Variants in CFAP70 observed in about 807,000 individuals in gnomAD.
The protein encoded by CFAP70 is cilia and flagella associated protein 70.
Under a neutral mutation model 137.6 loss-of-function variants are expected in CFAP70, and 81 were observed. That is an observed-to-expected ratio of 0.59 (90% CI 0.49 to 0.71). The LOEUF (loss-of-function observed/expected upper bound fraction) is 0.71. Among genes scored for constraint, CFAP70 ranks in the 30% least tolerant of loss-of-function variants. CFAP70 has a pLI of 0.00. For synonymous variants in CFAP70, 382 were observed against 423.6 expected (o/e 0.90, Z 1.20); for missense variants, 976 against 1,226.7 (o/e 0.80, Z 3.05).
intron 14 of CFAP70, among the ~76,000 whole-genome samples, chr10:73,298,144 T>C (rs759685530): frequency 2.6e-5 from 4 of 151,172 alleles, no homozygotes; most frequent in Non-Finnish European, 4.4e-5. Context: ...AATCCCAACA[T>C]TGATCTTTAC....
At chr10:73,269,210 T>C (rs1207186879) in intron 25 of CFAP70, among the ~76,000 whole-genome samples, 2 of 152,080 alleles carry the variant, frequency 1.3e-5, no homozygotes, top group African/African-American at 4.8e-5. Flanking sequence ...TTTTAATAGG[T>C]AAAGCACCTA....
At position 73,302,935 on chromosome 10, in the gene CFAP70, C is replaced by T. The variant is rs549042295; in HGVS notation, c.1257-3270G>A. Reference sequence around the variant, plus strand: ...CTCGCTCTGTTGCCAGGCTGGAGTACAGTGGCATGATCATAGCTCACTGCA... The same window carrying T: ...CTCGCTCTGTTGCCAGGCTGGAGTATAGTGGCATGATCATAGCTCACTGCA... On this transcript the variant is annotated intron_variant, in intron 12 of 26. Coordinates refer to ENST00000310715, the Ensembl canonical transcript of CFAP70. 1.5e-4 allele frequency among the ~76,000 whole-genome samples: 22 copies of T among 144,640 alleles called. No homozygotes were observed. The South Asian group carries it at 4.8e-3, about 31-fold the overall frequency. 94.9% of individuals were successfully genotyped at this position (144,640 alleles called of 152,430 possible).
At chr10:73,278,285 T>A (rs1174792035) in exon 20 of CFAP70, 1 of 1,614,020 alleles carries the variant, frequency 6.2e-7, no homozygotes. Context: ...CAGACTGCAG[T>A]TTGGAGGATT....
Position 73,284,737 on chromosome 10 carries a change from CACATAT to C in CFAP70, c.2240-6406_2240-6401del, listed in dbSNP as rs2047517557. On this transcript the variant is annotated intron_variant, in intron 19 of 26. Transcript: ENST00000310715. ...AGCCTATGGGCCATATATGACCTGC[CACATAT>C]ATATATATATATATATATATATATA... 4.3e-4 allele frequency among the ~76,000 whole-genome samples: 26 copies of C among 60,088 alleles called. 2 individuals are homozygous for C. The highest frequency in any genetic ancestry group is 1.1e-3 in the African/African-American group (15 of 14,132). The allele number at this position is 60,088 out of a possible 152,430, so 39.4% of individuals were successfully genotyped here. A position where few individuals can be genotyped will look rare whatever the true frequency, so the allele number is the denominator to read the frequency against.
intron 25 of CFAP70, among the ~76,000 whole-genome samples, chr10:73,259,845 A>G (rs2044964271): frequency 6.6e-6 from 1 of 152,162 alleles, no homozygotes; most frequent in African/African-American, 2.4e-5. Context: ...AGCCTGGGCA[A>G]CATGGTGAGA....
chr10:73,272,329 C>T (rs374697211), intron 24 of CFAP70, among the ~76,000 whole-genome samples: 2 of 151,750 alleles, frequency 1.3e-5, no homozygotes, highest in Admixed American at 6.6e-5. Flanking sequence ...GGAGACAGAG[C>T]GAGACTCCAT....
upstream of CFAP70, among the ~76,000 whole-genome samples, chr10:73,361,456 T>C (rs1277252507): frequency 6.6e-6 from 1 of 151,952 alleles, no homozygotes; most frequent in African/African-American, 2.4e-5. Flanking sequence ...TCTCCTACAG[T>C]GCTTAGCAGT....
chr10:73,358,562 G>A (rs1329618086), intron 1 of CFAP70, among the ~76,000 whole-genome samples: 2 of 152,218 alleles, frequency 1.3e-5, no homozygotes, highest in African/African-American at 4.8e-5. Flanking sequence ...GCACCTGGCC[G>A]GGCCAGCGGC....
chr10:73,335,587 T>C (rs898326945), intron 6 of CFAP70, 63 bp from the exon 8 acceptor site: 1 of 1,170,252 alleles, frequency 8.5e-7, no homozygotes, highest in Non-Finnish European at 1.2e-6. Flanking sequence ...GCTCCATCTA[T>C]AGGGCATTCT....
Position 73,284,737 on chromosome 10 carries a change from CACATATATAT to C in CFAP70, c.2240-6410_2240-6401del, listed in dbSNP as rs2047518052. On this transcript the variant is annotated intron_variant, in intron 19 of 26. Transcript: ENST00000310715. ...AGCCTATGGGCCATATATGACCTGC[CACATATATAT>C]ATATATATATATATATATATATATA... Among the ~76,000 whole-genome samples, 17 of 60,090 alleles carry C rather than the reference CACATATATAT, an allele frequency of 2.8e-4. 1 individual carries two copies. Among genetic ancestry groups the C allele is most frequent in the African/African-American group, 9.2e-4 (13 of 14,134 alleles). The allele number at this position is 60,090 out of a possible 152,430, so 39.4% of individuals were successfully genotyped here.
intron 19 of CFAP70, 82 bp downstream of exon 20, chr10:73,291,144 T>C: frequency 5.7e-6 from 7 of 1,237,534 alleles, no homozygotes; most frequent in Non-Finnish European, 8.2e-6. Flanking sequence ...CCTCCCAGGT[T>C]GCTAGGACTA....
exon 10 of CFAP70, chr10:73,312,582 A>T (rs752093675): frequency 6.2e-7 from 1 of 1,611,950 alleles, no homozygotes; most frequent in Non-Finnish European, 8.5e-7. Context: ...AATTCCTCCT[A>T]TTTTATTATT....
At chr10:73,332,733 A>G (rs976929022) in intron 7 of CFAP70, among the ~76,000 whole-genome samples, 3 of 152,196 alleles carry the variant, frequency 2.0e-5, no homozygotes, top group Admixed American at 6.5e-5. Context: ...AGGAAACTGA[A>G]GCCTCTGGCA....
chr10:73,278,109 C>T, intron 20 of CFAP70, 70 bp downstream of exon 21: 1 of 1,474,926 alleles, frequency 6.8e-7, no homozygotes, highest in African/African-American at 1.4e-5. Flanking sequence ...GCCATTTCAT[C>T]ATCGTAAGAG....
chr10:73,256,342 C>A (rs1025362607), intron 26 of CFAP70, 27 bp downstream of exon 27: 17 of 1,613,526 alleles, frequency 1.1e-5, no homozygotes, highest in Admixed American at 1.7e-5. Context: ...ATGGGGCAGG[C>A]AAATGACAGA....
chr10:73,336,417 T>C (rs1458446648), intron 6 of CFAP70, among the ~76,000 whole-genome samples: 1 of 152,078 alleles, frequency 6.6e-6, no homozygotes, highest in African/African-American at 2.4e-5. Flanking sequence ...ATGCACAGTG[T>C]TTTTCCAATA....
chr10:73,272,800 C>T (rs2046414576), intron 24 of CFAP70, 128 bp downstream of exon 25: 1 of 824,084 alleles, frequency 1.2e-6, no homozygotes, highest in Non-Finnish European at 2.1e-6. Context: ...TGAAGAACAA[C>T]TTTTCATTAC....
chr10:73,348,560 C>A (rs572314487), intron 3 of CFAP70, 39 bp from the exon 4 acceptor site: 1 of 1,290,794 alleles, frequency 7.7e-7, no homozygotes, highest in South Asian at 1.5e-5. Flanking sequence ...ACATTTAAAA[C>A]ACATCTATCC....
intron 8 of CFAP70, among the ~76,000 whole-genome samples, chr10:73,329,979 A>T (rs1224630685): frequency 6.6e-6 from 1 of 152,240 alleles, no homozygotes; most frequent in African/African-American, 2.4e-5. Context: ...CATTGCAAAG[A>T]TGAAGAACAT....
Sources: gnomAD v4.1 joint callset for allele counts (sites outside exome capture counted in the v4.1 genomes callset) on GRCh38, gnomAD v4.1.1 for gene constraint, MANE v1.5 for transcripts, NCBI Gene and HGNC (gene_info 2026-07-23, HGNC 2026-07-21) for gene names.